CENPP: variants seen among roughly 807,000 people sequenced by gnomAD.
CENPP encodes centromere protein P.
In CENPP, 24 loss-of-function variants were observed where a neutral mutation model predicts 35.6. That is an observed-to-expected ratio of 0.67 (90% CI 0.49 to 0.95). CENPP has a LOEUF of 0.95. Among genes scored for constraint, CENPP ranks in the 40% least tolerant of loss-of-function variants. The pLI, the probability that CENPP is intolerant of heterozygous loss-of-function variation, is 0.00. For missense variants in CENPP, 332 were observed against 345.3 expected, an observed-to-expected ratio of 0.96 and a Z score of 0.31; for synonymous variants, 120 against 125.5, an observed-to-expected ratio of 0.96 and a Z score of 0.29.
chr9:92,590,352 C>T (rs1225714415), intron 5 of CENPP, among the ~76,000 whole-genome samples: 1 of 152,104 alleles, frequency 6.6e-6, no homozygotes, highest in South Asian at 2.1e-4. Context: ...AATAAAGAAT[C>T]CTCTTTCTAT....
chr9:92,470,852 T>C (rs1845485596), intron 5 of CENPP: 1 of 944,732 alleles, frequency 1.1e-6, no homozygotes, highest in Non-Finnish European at 1.6e-6. Context: ...ATGGTAGAAA[T>C]ATACATTTTT....
rs1262603994 is a variant in CENPP at position 92,416,091 on chromosome 9, TTTA to T, written c.564+36235_564+36237del. On this transcript the variant is annotated intron_variant, in intron 5 of 7. Transcript: ENST00000375587. ...ATATATTTATTTATTTATTTATTTATTTATTTATTTTATTTTTTTTTTTTTTAA... is the reference window on the plus strand; with the variant it reads ...ATATATTTATTTATTTATTTATTTATTTTATTTTATTTTTTTTTTTTTTAA... Among the ~76,000 whole-genome samples, 460 of 143,090 alleles carry T rather than the reference TTTA, an allele frequency of 3.2e-3. 5 individuals carry two copies. The highest frequency in any genetic ancestry group is 5.9e-3 in the Non-Finnish European group (384 of 65,522). The allele number at this position is 143,090 out of a possible 152,430, so 93.9% of individuals were successfully genotyped here. A position where few individuals can be genotyped will look rare whatever the true frequency, so the allele number is the denominator to read the frequency against.
At chr9:92,594,453 A>G (rs1187139832) in intron 5 of CENPP, among the ~76,000 whole-genome samples, 1 of 152,164 alleles carries the variant, frequency 6.6e-6, no homozygotes, top group Non-Finnish European at 1.5e-5. Context: ...ATAATTTTAT[A>G]TCTCTGCCTC....
intron 3 of CENPP, among the ~76,000 whole-genome samples, chr9:92,341,231 A>G (rs1841107821): frequency 2.0e-5 from 3 of 152,174 alleles, no homozygotes; most frequent in Admixed American, 6.5e-5. Flanking sequence ...ATCAATGACA[A>G]TGGTACCTGA....
At chr9:92,364,640 G>C (rs1451135313) in intron 4 of CENPP, among the ~76,000 whole-genome samples, 1 of 152,140 alleles carries the variant, frequency 6.6e-6, no homozygotes, top group Admixed American at 6.5e-5. Flanking sequence ...GAATTTTACT[G>C]TATGTAAATT....
intron 5 of CENPP, among the ~76,000 whole-genome samples, chr9:92,551,332 G>A (rs1393514096): frequency 6.6e-6 from 1 of 152,026 alleles, no homozygotes; most frequent in Admixed American, 6.6e-5. Flanking sequence ...TCCCCAAAAT[G>A]ACGTCTGATG....
At chr9:92,556,002 C>G (rs1849716315) in intron 5 of CENPP, among the ~76,000 whole-genome samples, 1 of 152,066 alleles carries the variant, frequency 6.6e-6, no homozygotes, top group African/African-American at 2.4e-5. Context: ...TGTGCTCTTT[C>G]AGACTTTTTG....
Position 92,522,797 on chromosome 9 carries a change from C to T in CENPP, c.565-88517C>T, listed in dbSNP as rs761361577. Reference sequence around the variant, plus strand: ...TTCCTCCTTTGCTTCCTAGGAATTTCTTCATTTTTTCCAAAGTCAGTTTGA... The same window carrying T: ...TTCCTCCTTTGCTTCCTAGGAATTTTTTCATTTTTTCCAAAGTCAGTTTGA... On this transcript the variant is annotated intron_variant, in intron 5 of 7. Transcript: ENST00000375587. 5 of 1,613,154 alleles carry T rather than the reference C, an allele frequency of 3.1e-6. No homozygotes were observed. In the African/African-American group the frequency reaches 6.7e-5, roughly 22 times the overall value.
intron 5 of CENPP, among the ~76,000 whole-genome samples, chr9:92,453,531 A>G (rs1054045849): frequency 8.5e-5 from 13 of 152,116 alleles, no homozygotes; most frequent in Admixed American, 2.0e-4. Flanking sequence ...TATATGGTCA[A>G]TTTTGGAAAA....
chr9:92,591,026 T>A lies in CENPP; in HGVS notation c.565-20288T>A, dbSNP rs73526021. Among the ~76,000 whole-genome samples the A allele has an allele frequency of 4.0e-3, 608 of 152,284 alleles. 8 individuals are homozygous for A. The highest frequency in any genetic ancestry group is 0.014 in the African/African-American group (568 of 41,538). ...TAAAGTCTTTATACTTTCAGATAAG[T>A]TTAAACATTTCCACTCATTGAAATA... On this transcript the variant is annotated intron_variant, in intron 5 of 7. Coordinates refer to ENST00000375587, the MANE Select transcript of CENPP (RefSeq NM_001012267.3).
At chr9:92,516,072 T>TCCCCCCCCCCC (rs76297691) in intron 5 of CENPP, among the ~76,000 whole-genome samples, 8 of 139,782 alleles carry the variant, frequency 5.7e-5, no homozygotes, top group Non-Finnish European at 9.7e-5. Context: ...TACTTTTTTT[T>TCCCCCCCCCCC]CCCCCCCCCG....
At chr9:92,448,617 C>T (rs560713491) in intron 5 of CENPP, among the ~76,000 whole-genome samples, 1 of 151,854 alleles carries the variant, frequency 6.6e-6, no homozygotes, top group Admixed American at 6.6e-5. Flanking sequence ...GGGTGTAAGC[C>T]GTTCTCCTGT....
intron 5 of CENPP, among the ~76,000 whole-genome samples, chr9:92,564,310 G>A (rs184152792): frequency 6.6e-6 from 1 of 152,012 alleles, no homozygotes; most frequent in East Asian, 1.9e-4. Flanking sequence ...AATCACTTGA[G>A]CCTGGGAGGC....
chr9:92,407,126 G>A (rs750035778), intron 5 of CENPP, among the ~76,000 whole-genome samples: 8 of 152,178 alleles, frequency 5.3e-5, no homozygotes, highest in Non-Finnish European at 1.0e-4. Context: ...GTTGATATGT[G>A]GCAGTGTATG....
At chr9:92,448,278 T>A (rs1455750885) in intron 5 of CENPP, among the ~76,000 whole-genome samples, 1 of 151,674 alleles carries the variant, frequency 6.6e-6, no homozygotes, top group Non-Finnish European at 1.5e-5. Flanking sequence ...TTTTTCTTTT[T>A]TTTTTTTTGA....
At chr9:92,519,696 G>A (rs1302825470) in intron 5 of CENPP, among the ~76,000 whole-genome samples, 1 of 152,214 alleles carries the variant, frequency 6.6e-6, no homozygotes, top group Admixed American at 6.5e-5. Flanking sequence ...GACCTTTGCT[G>A]TAAATATAAG....
At position 92,470,711 on chromosome 9, in the gene CENPP, C is replaced by T; in HGVS notation, c.564+90852C>T. ...CTTTAAAATCATTTTCTTTGATTTC[C>T]TTAATTTTATTGTTTTGAAGATCAA... On this transcript the variant is annotated intron_variant, in intron 5 of 7. Transcript: ENST00000375587. 3.8e-6 allele frequency: 6 copies of T among 1,592,794 alleles called. No homozygotes were observed. The East Asian group carries it at 6.8e-5, about 18-fold the overall frequency.
chr9:92,562,798 T>G (rs1421171465), intron 5 of CENPP, among the ~76,000 whole-genome samples: 2 of 152,188 alleles, frequency 1.3e-5, no homozygotes, highest in Non-Finnish European at 2.9e-5. Context: ...CCACAATATT[T>G]ACAAAAGTAT....
intron 4 of CENPP, among the ~76,000 whole-genome samples, chr9:92,349,264 C>G (rs938692059): frequency 4.6e-5 from 7 of 151,996 alleles, no homozygotes; most frequent in South Asian, 4.1e-4. Context: ...TTCTTTATGT[C>G]GCTTGTAATG....
Sources: allele counts gnomAD v4.1 joint callset (sites outside exome capture counted in the v4.1 genomes callset), GRCh38; gene constraint gnomAD v4.1.1; transcripts MANE v1.5; gene names NCBI Gene and HGNC (gene_info 2026-07-23, HGNC 2026-07-21).